ELAVL3: variants seen among roughly 807,000 people sequenced by gnomAD.
ELAVL3 encodes the protein ELAV-like protein 3.
A neutral mutation model predicts 34.2 loss-of-function variants in ELAVL3; 8 were observed. The ratio of observed to expected loss-of-function variants is 0.23; its 90% CI spans 0.14 to 0.42. The LOEUF (loss-of-function observed/expected upper bound fraction) is 0.42, where lower values mean the gene tolerates loss of function less well. Among genes scored for constraint, ELAVL3 ranks in the 10% least tolerant of loss-of-function variants. ELAVL3 has a pLI of 1.00. For missense variants in ELAVL3, 273 were observed against 518.8 expected (o/e 0.53, Z 4.60); for synonymous variants, 209 against 222.1 (o/e 0.94, Z 0.53).
intron 1 of ELAVL3, among the ~76,000 whole-genome samples, chr19:11,469,208 G>A (rs1188012386): frequency 5.9e-5 from 9 of 152,130 alleles, no homozygotes; most frequent in Non-Finnish European, 1.5e-5. Context: ...AATTACAGGC[G>A]TGAGCCACCG....
At position 11,454,627 on chromosome 19, in the gene ELAVL3, A is replaced by G; in HGVS notation, c.1003T>C (p.Tyr335His). 1.9e-6 allele frequency: 3 copies of G among 1,614,184 alleles called. No individual in the cohort carries two copies. The highest frequency in any genetic ancestry group is 2.5e-6 in the Non-Finnish European group (3 of 1,180,014). Residue 335 changes from tyrosine to histidine, a missense_variant, in exon 7 of 7, where the codon TAT becomes CAT. Transcript: ENST00000359227. This position sits in a 1 kb window ranked among gnomAD's most constrained non-coding sequence, Gnocchi z 9.2. Reference protein sequence around the residue: ...KGFGFVTMTNYDEAAMAIASL... With the variant: ...KGFGFVTMTNHDEAAMAIASL... ...GCGATGGCCATGGCCGCCTCGTCAT[A>G]GTTGGTCATGGTCACGAAGCCGAAA...
Position 11,479,281 on chromosome 19 carries a change from C to T in ELAVL3, c.9+1319G>A, listed in dbSNP as rs559394848. 1.1e-4 allele frequency among the ~76,000 whole-genome samples: 17 copies of T among 152,216 alleles called. No individual in the cohort carries two copies. In the South Asian group the frequency reaches 3.3e-3, roughly 30 times the overall value. On this transcript the variant is annotated intron_variant, in intron 1 of 6. Transcript: ENST00000359227. ...TCACACAGCAGGTGAGCCAGGCCTCCGGGACCTCATTTCTCAGAGCCAGGT... is the reference window on the plus strand; with the variant it reads ...TCACACAGCAGGTGAGCCAGGCCTCTGGGACCTCATTTCTCAGAGCCAGGT...
intron 3 of ELAVL3, among the ~76,000 whole-genome samples, chr19:11,465,241 CCA>C (rs1269061718): frequency 7.1e-6 from 1 of 140,444 alleles, no homozygotes; most frequent in Non-Finnish European, 1.5e-5. Context: ...ACACCGCACA[CCA>C]CACACATACA....
At chr19:11,465,629 T>C (rs992339760) in intron 3 of ELAVL3, among the ~76,000 whole-genome samples, 6 of 151,616 alleles carry the variant, frequency 4.0e-5, no homozygotes, top group Non-Finnish European at 8.8e-5. Flanking sequence ...GGGAGCAGAT[T>C]TGCAGGGCGG....
chr19:11,464,112 T>C (rs1457915202), intron 3 of ELAVL3, among the ~76,000 whole-genome samples: 1 of 132,402 alleles, frequency 7.6e-6, no homozygotes, highest in Non-Finnish European at 1.5e-5. Flanking sequence ...TCTCTCTCTC[T>C]GTCTCTCTCT....
At chr19:11,464,169 T>TATATATA (rs1568382072) in intron 3 of ELAVL3, among the ~76,000 whole-genome samples, 69 of 72,952 alleles carry the variant, frequency 9.5e-4, no homozygotes, top group Middle Eastern at 6.8e-3. Flanking sequence ...ATATATATAT[T>TATATATA]TTTTTTTTTT....
At chr19:11,468,870 G>A (rs1342791867) in intron 1 of ELAVL3, among the ~76,000 whole-genome samples, 1 of 151,900 alleles carries the variant, frequency 6.6e-6, no homozygotes, top group Non-Finnish European at 1.5e-5. Context: ...AAAAAAGGAT[G>A]TTGAATTTTA....
intron 1 of ELAVL3, among the ~76,000 whole-genome samples, chr19:11,475,920 A>G (rs1000426319): frequency 2.0e-5 from 3 of 151,692 alleles, no homozygotes; most frequent in African/African-American, 7.3e-5. Context: ...TGGCCCATTT[A>G]CTCTTGTAAA....
Position 11,466,361 on chromosome 19 carries a change from CCCCA to C in ELAVL3, c.230-90_230-87del. 2 of 1,308,870 alleles carry C rather than the reference CCCCA, an allele frequency of 1.5e-6. No homozygotes were observed. The highest frequency in any genetic ancestry group is 2.4e-5 in the South Asian group (2 of 83,182). The allele number at this position is 1,308,870 out of a possible 1,614,324, so 81.1% of individuals were successfully genotyped here. ...CCTCAGGCCTGAGAGACTGTCCCCT[CCCCA>C]CCAAGTTTCCACCTTCCTGTTTCCA... On this transcript the variant is annotated intron_variant, in intron 2 of 6. Coordinates refer to ENST00000359227, the MANE Select transcript of ELAVL3 (RefSeq NM_001420.4). The surrounding 1 kb of genome is among the most constrained non-coding windows in gnomAD (Gnocchi z 5.0).
At chr19:11,456,105 C>CT (rs58496214) in intron 6 of ELAVL3, among the ~76,000 whole-genome samples, 125 of 146,492 alleles carry the variant, frequency 8.5e-4, no homozygotes, top group Admixed American at 3.3e-3. Context: ...GTCACCCCTT[C>CT]TTTTTTTTTT....
At chr19:11,463,624 C>T (rs1970937162) in intron 3 of ELAVL3, among the ~76,000 whole-genome samples, 1 of 152,038 alleles carries the variant, frequency 6.6e-6, no homozygotes, top group Non-Finnish European at 1.5e-5. Context: ...TCCCTGAGGC[C>T]CCATCAGGTC....
rs1015844401 is a variant in ELAVL3 at position 11,457,138 on chromosome 19, A to C, written c.724T>G (p.Leu242Val). ...TTGACGCCGTAGGCCATGTTGAGCA[A>C]ATTGTCCAGCCTGTGGAGGCAGAGG... ...HQTQRFRLDN[L>V]LNMAYGVKSP... is the part of the protein sequence containing the mutation. Residue 242 changes from leucine to valine, a missense_variant, in exon 6 of 7, where the codon TTG becomes GTG. Physicochemically the swap from Leu to Val is conservative, Grantham distance 32. Transcript: ENST00000359227. 4 of 1,547,700 alleles carry C rather than the reference A, an allele frequency of 2.6e-6. No individual in the cohort carries two copies. The African/African-American group carries it at 5.7e-5, about 22-fold the overall frequency.
chr19:11,464,604 TACACCACAC>T lies in ELAVL3; in HGVS notation c.333+1559_333+1567del, dbSNP rs1409435499. 6.9e-3 allele frequency among the ~76,000 whole-genome samples: 851 copies of T among 123,340 alleles called. 5 individuals carry two copies. Among genetic ancestry groups the T allele is most frequent in the African/African-American group, 0.025 (811 of 32,232 alleles). 80.9% of individuals were successfully genotyped at this position (123,340 alleles called of 152,430 possible). On this transcript the variant is annotated intron_variant, in intron 3 of 6. Coordinates refer to ENST00000359227, the MANE Select transcript of ELAVL3 (RefSeq NM_001420.4). Reference sequence around the variant, plus strand: ...CCCCACACACACATACACACACACATACACCACACACACCACACACACACCACACACACC... The same window carrying T: ...CCCCACACACACATACACACACACATACACCACACACACACCACACACACC...
rs1178739669 is a variant in ELAVL3 at position 11,463,996 on chromosome 19, CA to C, written c.333+2175del. Among the ~76,000 whole-genome samples, 795 of 136,522 alleles carry C rather than the reference CA, an allele frequency of 5.8e-3. 3 individuals carry two copies. Among genetic ancestry groups the C allele is most frequent in the Non-Finnish European group, 8.9e-3 (555 of 62,398 alleles). The allele number at this position is 136,522 out of a possible 152,430, so 89.6% of individuals were successfully genotyped here. ...AAAAAACCCCAAAAAATCAAAAAAC[CA>C]AAAAAAAAAAACCTTATCCTACAGA... On this transcript the variant is annotated intron_variant, in intron 3 of 6. Transcript: ENST00000359227.
At chr19:11,455,901 G>T (rs1310026400) in intron 6 of ELAVL3, among the ~76,000 whole-genome samples, 1 of 152,104 alleles carries the variant, frequency 6.6e-6, no homozygotes, top group African/African-American at 2.4e-5. Context: ...CCCGCCCTTG[G>T]ATTAAACCCC....
At chr19:11,464,100 T>TCC in intron 3 of ELAVL3, among the ~76,000 whole-genome samples, 7 of 141,072 alleles carry the variant, frequency 5.0e-5, no homozygotes, top group Non-Finnish European at 9.1e-5. Context: ...TCTCTCTCCC[T>TCC]CTCTCTCTCT....
intron 1 of ELAVL3, among the ~76,000 whole-genome samples, chr19:11,473,845 T>C (rs1262357338): frequency 6.6e-6 from 1 of 152,202 alleles, no homozygotes. Flanking sequence ...GACTACTTAG[T>C]GCTTCTGAGC....
Position 11,453,261 on chromosome 19 carries a change from T to G in ELAVL3, c.*1265A>C, listed in dbSNP as rs1970694505. 1 of 151,746 alleles carries G rather than the reference T, an allele frequency of 6.6e-6. No individual in the cohort carries two copies. The highest frequency in any genetic ancestry group is 1.5e-5 in the Non-Finnish European group (1 of 68,024). The allele number at this position is 151,746 out of a possible 1,614,324, so 9.4% of individuals were successfully genotyped here. The stretch of plus-strand genomic sequence containing the variant: ...ACGAGGTATCGTGTGTCTCAATGCA[T>G]GTGCGCTGCGTGTGCACGCCTGTGT... On this transcript the variant is annotated 3_prime_UTR_variant, in exon 7 of 7. Coordinates refer to ENST00000359227, the MANE Select transcript of ELAVL3 (RefSeq NM_001420.4).
chr19:11,467,987 AC>A (rs1266654324), intron 1 of ELAVL3, among the ~76,000 whole-genome samples: 1 of 151,900 alleles, frequency 6.6e-6, no homozygotes, highest in East Asian at 1.9e-4. Context: ...ATGGGGTCTC[AC>A]TATGTGGCCC....
Sources: allele counts gnomAD v4.1 joint callset (sites outside exome capture counted in the v4.1 genomes callset), GRCh38; gene constraint gnomAD v4.1.1; non-coding constraint Gnocchi (gnomAD v3.1); transcripts MANE v1.5; gene names NCBI Gene and HGNC (gene_info 2026-07-23, HGNC 2026-07-21).